MTERF4: variants seen among roughly 807,000 people sequenced by gnomAD.
MTERF4 encodes transcription termination factor 4, mitochondrial.
In MTERF4, 17 loss-of-function variants were observed where a neutral mutation model predicts 22.5. The ratio of observed to expected loss-of-function variants is 0.75; its 90% confidence interval spans 0.52 to 1.13. The LOEUF is 1.13. Ranked by LOEUF, MTERF4 falls within the 50% of genes most tolerant of loss-of-function variation. MTERF4 has a pLI of 0.00. For missense variants in MTERF4, 420 were observed against 466.8 expected (o/e 0.90, Z 0.92); for synonymous variants, 165 against 175.3 (o/e 0.94, Z 0.47).
At position 241,102,280 on chromosome 2, in the gene MTERF4, G is replaced by A. The variant is rs2064750866; in HGVS notation, c.-7C>T. 3 of 1,549,388 alleles carry A rather than the reference G, an allele frequency of 1.9e-6. No homozygotes were observed. Among genetic ancestry groups the A allele is most frequent in the Non-Finnish European group, 2.6e-6 (3 of 1,145,914 alleles). On this transcript the variant is annotated 5_prime_UTR_variant, in exon 1 of 4. Coordinates refer to ENST00000391980, the MANE Select transcript of MTERF4 (RefSeq NM_182501.4). ...GACGGCCGAACGCAGCCATAGCGCG[G>A]AGAAGATGGCAGCAGTTACGGCGCC...
chr2:241,095,413 A>C (rs540727049), downstream of MTERF4: 1 of 152,958 alleles, frequency 6.5e-6, no homozygotes, highest in Non-Finnish European at 1.5e-5. Flanking sequence ...AAGCCATGCA[A>C]AATTAACCAG....
chr2:241,045,379 C>A, the MTERF4 span, among the ~76,000 whole-genome samples: 2 of 152,144 alleles, frequency 1.3e-5, no homozygotes, highest in African/African-American at 4.8e-5. Flanking sequence ...TTTGAGGAAT[C>A]ACACTACTGA....
chr2:241,054,829 T>A, the MTERF4 span, among the ~76,000 whole-genome samples: 11 of 151,948 alleles, frequency 7.2e-5, no homozygotes, highest in Admixed American at 2.0e-4. Context: ...AAAAAGAAAA[T>A]GTTGGGGCCA....
downstream of MTERF4, chr2:241,070,233 G>A (rs552692052): frequency 2.6e-6 from 4 of 1,563,096 alleles, no homozygotes; most frequent in African/African-American, 4.0e-5. Context: ...CGTGGGCGGG[G>A]CCAGTGTTTG....
the MTERF4 span, among the ~76,000 whole-genome samples, chr2:241,058,811 G>A: frequency 3.3e-5 from 5 of 152,090 alleles, no homozygotes; most frequent in Non-Finnish European, 4.4e-5. Flanking sequence ...TTAGCTGGGC[G>A]AGGTGGCGGG....
rs568882218 is a variant in MTERF4, at chr2:241,102,121, C to A, written c.21+132G>T. On this transcript the variant is annotated intron_variant, in intron 1 of 3. Transcript: ENST00000391980. ...AGCCACGGGTCCAGGATGCCAAAAC[C>A]AGGTCAGCGTGCACGGACCTCCGGG... is the stretch of plus-strand genomic sequence containing the variant. 1.2e-5 allele frequency: 15 copies of A among 1,275,070 alleles called. No individual in the cohort carries two copies. The African/African-American group carries it at 1.6e-4, about 14-fold the overall frequency. The allele number at this position is 1,275,070 out of a possible 1,614,324, so 79.0% of individuals were successfully genotyped here.
downstream of MTERF4, chr2:241,088,414 C>A: frequency 6.2e-7 from 1 of 1,607,032 alleles, no homozygotes; most frequent in Non-Finnish European, 8.5e-7. Flanking sequence ...TACGTCCCTG[C>A]TGCTCCCGCC....
chr2:241,090,979 A>G (rs912672980), downstream of MTERF4, among the ~76,000 whole-genome samples: 77 of 152,280 alleles, frequency 5.1e-4, no homozygotes, highest in Non-Finnish European at 4.3e-4. Context: ...TGCAGTGCCT[A>G]ACTGTACTAG....
At position 241,097,233 on chromosome 2, in the gene MTERF4, T is replaced by A. The variant is rs772831783; in HGVS notation, c.705+10A>T. The A allele has an allele frequency of 5.7e-5, 92 of 1,613,184 alleles. No homozygotes were observed. Among genetic ancestry groups the A allele is most frequent in the Non-Finnish European group, 7.2e-5 (85 of 1,179,614 alleles). ...GAAACTACGCTAATCACGCTATCAG[T>A]CATTCTCACCTGAAACTTGTATTCC... On this transcript the variant is annotated intron_variant, in intron 3 of 3. Coordinates refer to ENST00000391980, the MANE Select transcript of MTERF4 (RefSeq NM_182501.4).
chr2:241,052,586 G>C, the MTERF4 span: 1 of 812,976 alleles, frequency 1.2e-6, no homozygotes, highest in Non-Finnish European at 2.0e-6. Context: ...AGAGGGCCAG[G>C]GGGCCAAGCA....
chr2:241,048,270 C>T, the MTERF4 span: 41 of 1,549,302 alleles, frequency 2.6e-5, no homozygotes, highest in Non-Finnish European at 3.5e-5. Context: ...ACCACTCTCC[C>T]CACATTCCCT....
At chr2:241,052,810 A>G in the MTERF4 span, among the ~76,000 whole-genome samples, 1 of 136,298 alleles carries the variant, frequency 7.3e-6, no homozygotes, top group Non-Finnish European at 1.5e-5. Context: ...TGGGGGGCCC[A>G]AGCAGGGTAC....
At chr2:241,071,712 GCCCCCCAGGTACAT>G, downstream of MTERF4, 4 of 903,694 alleles carry the variant, frequency 4.4e-6, no homozygotes, top group Non-Finnish European at 6.3e-6. Context: ...CCCCCACCCA[GCCCCCCAGGTACAT>G]GCCCCACCCA....
At chr2:241,072,003 C>A, downstream of MTERF4, 2 of 865,452 alleles carry the variant, frequency 2.3e-6, no homozygotes, top group Non-Finnish European at 3.8e-6. Context: ...CAGCCAGTGA[C>A]CCCCACCCCG....
chr2:241,088,785 G>A (rs796816342), downstream of MTERF4: 28 of 262,784 alleles, frequency 1.1e-4, no homozygotes, highest in African/African-American at 4.9e-4. Context: ...GAGGGGCCAC[G>A]GGCAGCGGGA....
chr2:241,059,412 C>CAATT, the MTERF4 span, among the ~76,000 whole-genome samples: 1 of 152,202 alleles, frequency 6.6e-6, no homozygotes, highest in Non-Finnish European at 1.5e-5. Flanking sequence ...ATACCAAACT[C>CAATT]AATTGATACC....
rs2064611978 is a variant in MTERF4 at position 241,099,654 on chromosome 2, C to T, written c.262G>A (p.Gly88Arg). 6 of 1,614,086 alleles carry T rather than the reference C, an allele frequency of 3.7e-6. No individual in the cohort carries two copies. Among genetic ancestry groups the T allele is most frequent in the Non-Finnish European group, 5.1e-6 (6 of 1,180,036 alleles). ...LEKQGTPVVQ[G>R]SLELERVMSS... ...ATGACCCTCTCTAGCTCCAAGGACCCTTGTACCACAGGAGTCCCCTGCTTC... is the reference window on the plus strand; with the variant it reads ...ATGACCCTCTCTAGCTCCAAGGACCTTTGTACCACAGGAGTCCCCTGCTTC... Residue 88 changes from glycine (G) to arginine (R), a missense_variant, in exon 2 of 4, where the codon GGG becomes AGG. By Grantham distance (125) the Gly-to-Arg change is moderately radical. Transcript: ENST00000391980.
At chr2:241,065,098 C>T in the MTERF4 span, 3 of 816,830 alleles carry the variant, frequency 3.7e-6, no homozygotes, top group East Asian at 2.7e-5. Flanking sequence ...GGATAAAATC[C>T]CCCGGTGGGC....
the MTERF4 span, among the ~76,000 whole-genome samples, chr2:241,057,410 T>TATATGC: frequency 8.1e-6 from 1 of 123,878 alleles, no homozygotes; most frequent in African/African-American, 3.0e-5. Context: ...TATATATATA[T>TATATGC]ATGCCATACG....
Sources: gnomAD v4.1 joint callset for allele counts (sites outside exome capture counted in the v4.1 genomes callset) on GRCh38, gnomAD v4.1.1 for gene constraint, MANE v1.5 for transcripts, NCBI Gene and HGNC (gene_info 2026-07-23, HGNC 2026-07-21) for gene names.